The following OSBPL9 variants were observed in gnomAD, a reference collection of about 807,000 sequenced individuals.
OSBPL9 encodes the protein oxysterol binding protein like 9.
Under a neutral mutation model 106.6 loss-of-function variants are expected in OSBPL9, and 40 were observed. That is an observed-to-expected ratio of 0.38 (90% CI 0.29 to 0.49). OSBPL9 has a LOEUF of 0.49. Ranked by LOEUF, OSBPL9 falls within the 20% of genes least tolerant of loss-of-function variation. OSBPL9 has a pLI of 0.97. For synonymous variants in OSBPL9, 269 were observed against 295.4 expected, an observed-to-expected ratio of 0.91 and a Z score of 0.92; for missense variants, 609 against 887.2, an observed-to-expected ratio of 0.69 and a Z score of 3.98.
chr1:51,626,449 G>A (rs1644771885), intron 1 of OSBPL9, among the ~76,000 whole-genome samples: 1 of 151,738 alleles, frequency 6.6e-6, no homozygotes, highest in Non-Finnish European at 1.5e-5. Flanking sequence ...TTATTATTAT[G>A]CAGTATAACA....
chr1:51,672,549 G>C (rs1650142506), intron 3 of OSBPL9, among the ~76,000 whole-genome samples: 1 of 151,958 alleles, frequency 6.6e-6, no homozygotes, highest in Non-Finnish European at 1.5e-5. Context: ...TTGTAGAATA[G>C]ATGTTTTGTT....
the OSBPL9 span, among the ~76,000 whole-genome samples, chr1:51,536,044 C>A: frequency 1.7e-4 from 26 of 152,126 alleles, no homozygotes; most frequent in East Asian, 3.9e-4. Context: ...CAGTAGTTAC[C>A]CCTAATACCT....
At chr1:51,672,539 T>C (rs1308722718) in intron 3 of OSBPL9, among the ~76,000 whole-genome samples, 4 of 151,982 alleles carry the variant, frequency 2.6e-5, no homozygotes, top group Non-Finnish European at 5.9e-5. Context: ...CTTTCTATCA[T>C]TGTAGAATAG....
the OSBPL9 span, among the ~76,000 whole-genome samples, chr1:51,550,745 C>T: frequency 1.3e-5 from 2 of 152,270 alleles, no homozygotes; most frequent in East Asian, 1.9e-4. Flanking sequence ...AACTCCTGAC[C>T]TCAGGTGATC....
rs1671302866 is a variant in OSBPL9, at chr1:51,760,695, T to C, written c.588T>C (p.Thr196=). 1.9e-6 allele frequency: 3 copies of C among 1,613,800 alleles called. No individual in the cohort carries two copies. Among genetic ancestry groups the C allele is most frequent in the Non-Finnish European group, 2.5e-6 (3 of 1,179,800 alleles). ...ATTGTGTTTCTTTATTTTAGAGTAC[T>C]ATTAATCCCGTAGATGCAATATATC... ...AEKHADGMIS[T]INPVDAIYQP... is the part of the protein sequence containing the mutation. Residue 196 remains threonine (T), a synonymous_variant, in exon 10 of 24, where the codon ACT becomes ACC. Transcript: ENST00000428468.
chr1:51,761,566 G>T (rs1437510158), intron 10 of OSBPL9, among the ~76,000 whole-genome samples: 1 of 152,034 alleles, frequency 6.6e-6, no homozygotes, highest in East Asian at 1.9e-4. Flanking sequence ...GTGGTTTGAG[G>T]CTCAGAAACA....
intron 1 of OSBPL9, among the ~76,000 whole-genome samples, chr1:51,649,399 CTGT>C (rs1646368234): frequency 6.6e-6 from 1 of 152,212 alleles, no homozygotes; most frequent in South Asian, 2.1e-4. Flanking sequence ...GCGTGAGCCA[CTGT>C]TCCTGGCCTT....
chr1:51,772,556 C>T (rs769097994), intron 13 of OSBPL9, 49 bp from the exon 14 acceptor site: 1 of 1,358,584 alleles, frequency 7.4e-7, no homozygotes, highest in Non-Finnish European at 1.1e-6. Context: ...AGTATCAGGA[C>T]AGATTGGCCC....
chr1:51,634,787 T>C (rs997065665), intron 1 of OSBPL9, among the ~76,000 whole-genome samples: 3 of 152,142 alleles, frequency 2.0e-5, no homozygotes, highest in African/African-American at 4.8e-5. Context: ...TTTAATGGAC[T>C]CTCAGTTCCA....
chr1:51,584,552 T>TA (rs1371899070), intron 1 of OSBPL9, among the ~76,000 whole-genome samples: 3 of 151,824 alleles, frequency 2.0e-5, no homozygotes, highest in Admixed American at 6.6e-5. Context: ...CCATCTCTAC[T>TA]AAAAATACAA....
chr1:51,769,513 T>C (rs1673368815), intron 12 of OSBPL9, among the ~76,000 whole-genome samples: 2 of 152,220 alleles, frequency 1.3e-5, no homozygotes, highest in Admixed American at 6.5e-5. Context: ...TCCTTAGGGT[T>C]GTAATGTAGA....
intron 2 of OSBPL9, among the ~76,000 whole-genome samples, chr1:51,654,340 A>G (rs957762324): frequency 2.0e-5 from 3 of 152,152 alleles, no homozygotes; most frequent in African/African-American, 4.8e-5. Context: ...TTTTGTTTTA[A>G]TTTTTATCAG....
At chr1:51,519,222 C>T in the OSBPL9 span, 62 of 1,413,492 alleles carry the variant, frequency 4.4e-5, no homozygotes, top group Middle Eastern at 2.0e-4. Flanking sequence ...AGCTGGGCCG[C>T]CGCAGCCATG....
chr1:51,647,020 T>G (rs1348058521), intron 1 of OSBPL9, among the ~76,000 whole-genome samples: 2 of 152,236 alleles, frequency 1.3e-5, no homozygotes, highest in African/African-American at 2.4e-5. Flanking sequence ...TATAAAGCTT[T>G]TAATCTTTCA....
chr1:51,749,457 C>A, intron 7 of OSBPL9: 1 of 382,942 alleles, frequency 2.6e-6, no homozygotes, highest in Non-Finnish European at 5.4e-6. Context: ...GGGCTATAGG[C>A]ACACGCTACC....
chr1:51,764,668 G>T (rs964538142), intron 11 of OSBPL9, among the ~76,000 whole-genome samples: 1 of 150,348 alleles, frequency 6.7e-6, no homozygotes, highest in Non-Finnish European at 1.5e-5. Flanking sequence ...CTGCAGCCTC[G>T]ACCTCCTCAG....
chr1:51,611,842 G>A (rs1261630372), intron 2 of OSBPL9, among the ~76,000 whole-genome samples: 2 of 152,166 alleles, frequency 1.3e-5, no homozygotes, highest in African/African-American at 4.8e-5. Context: ...GGGCGTGGTG[G>A]CGGGCGCCTG....
In OSBPL9 at chr1:51,784,044, G is replaced by C. The variant is rs772634561; in HGVS notation, c.1624+19G>C. 1 of 1,568,836 alleles carries C rather than the reference G, an allele frequency of 6.4e-7. No individual in the cohort carries two copies. Among genetic ancestry groups the C allele is most frequent in the South Asian group, 1.1e-5 (1 of 90,172 alleles). On this transcript the variant is annotated intron_variant, in intron 18 of 23. Transcript: ENST00000428468. ...GGGCAGGGTAAGTGTGTTGGCATTG[G>C]GTGGACTACAATGTTATAGGAGAAT... is the stretch of plus-strand genomic sequence containing the variant.
chr1:51,761,354 G>T (rs576243403), intron 10 of OSBPL9, among the ~76,000 whole-genome samples: 22 of 149,646 alleles, frequency 1.5e-4, no homozygotes, highest in African/African-American at 5.4e-4. Flanking sequence ...GATTCCTTTT[G>T]CCCTTTTGTT....
Sources: gnomAD v4.1 joint callset for allele counts (sites outside exome capture counted in the v4.1 genomes callset) on GRCh38, gnomAD v4.1.1 for gene constraint, MANE v1.5 for transcripts, NCBI Gene and HGNC (gene_info 2026-07-23, HGNC 2026-07-21) for gene names.